KL: variants seen among roughly 807,000 people sequenced by gnomAD.
KL encodes klotho.
Under a neutral mutation model 84.2 loss-of-function variants are expected in KL, and 62 were observed. The ratio of observed to expected loss-of-function variants is 0.74; its 90% confidence interval spans 0.60 to 0.91. The LOEUF (loss-of-function observed/expected upper bound fraction) is 0.91, where lower values mean the gene tolerates loss of function less well. Ranked by LOEUF, KL falls within the 40% of genes least tolerant of loss-of-function variation. KL has a pLI of 0.00. For missense variants in KL, 1,261 were observed against 1,305.7 expected (o/e 0.97, Z 0.53); for synonymous variants, 528 against 528.0 (o/e 1.00, Z 0.00).
At chr13:33,054,749 A>G (rs2138233718) in intron 2 of KL, among the ~76,000 whole-genome samples, 1 of 152,310 alleles carries the variant, frequency 6.6e-6, no homozygotes, top group South Asian at 2.1e-4. Context: ...TCTAGGATGG[A>G]AAGTGGTACA....
rs1872383019 is a variant in KL, at chr13:33,065,589, G to A, written c.*1403G>A. On this transcript the variant is annotated 3_prime_UTR_variant, in exon 5 of 5. Coordinates refer to ENST00000380099, the MANE Select transcript of KL (RefSeq NM_004795.4). ...ACTATATAATATATCATCTTTAGAG[G>A]TATGATTTTTTCATGAAAGATAAGC... The A allele has an allele frequency of 5.5e-6, 1 of 181,786 alleles. No homozygotes were observed. The highest frequency in any genetic ancestry group is 6.3e-5 in the Admixed American group (1 of 15,920). The allele number at this position is 181,786 out of a possible 1,614,324, so 11.3% of individuals were successfully genotyped here. A position where few individuals can be genotyped will look rare whatever the true frequency, so the allele number is the denominator to read the frequency against.
At chr13:33,049,069 A>G (rs762992742) in intron 1 of KL, among the ~76,000 whole-genome samples, 1 of 152,116 alleles carries the variant, frequency 6.6e-6, no homozygotes, top group African/African-American at 2.4e-5. Context: ...CACATACGAG[A>G]GAGACTTATA....
chr13:33,055,519 T>G (rs904580640), intron 3 of KL, among the ~76,000 whole-genome samples: 2 of 152,220 alleles, frequency 1.3e-5, no homozygotes, highest in African/African-American at 4.8e-5. Flanking sequence ...TTAAGTTAGA[T>G]CCAAAGATAA....
chr13:33,018,829 TC>T (rs1870467221), intron 1 of KL, among the ~76,000 whole-genome samples: 1 of 152,092 alleles, frequency 6.6e-6, no homozygotes, highest in Non-Finnish European at 1.5e-5. Context: ...ATTTTTAGAG[TC>T]CCTAGGATAA....
At position 33,064,876 on chromosome 13, in the gene KL, A is replaced by G. The variant is rs1004528121; in HGVS notation, c.*690A>G. 3.1e-5 allele frequency: 7 copies of G among 228,558 alleles called. No individual in the cohort carries two copies. Among genetic ancestry groups the G allele is most frequent in the African/African-American group, 6.7e-5 (3 of 45,108 alleles). The allele number at this position is 228,558 out of a possible 1,614,324, so 14.2% of individuals were successfully genotyped here. A position where few individuals can be genotyped will look rare whatever the true frequency, so the allele number is the denominator to read the frequency against. On this transcript the variant is annotated 3_prime_UTR_variant, in exon 5 of 5. Transcript: ENST00000380099. ...TCCCTGAGGGATCTGTCTCACTGGC[A>G]TCTTGTTGAGGGCCTTGCACATAGG...
intron 1 of KL, among the ~76,000 whole-genome samples, chr13:33,029,937 T>G (rs1870916083): frequency 2.4e-5 from 1 of 40,886 alleles, no homozygotes; most frequent in Admixed American, 3.2e-4. Context: ...CTGGCCCTAT[T>G]TTTTTTTTTT....
chr13:33,035,430 G>A (rs1206489734), intron 1 of KL, among the ~76,000 whole-genome samples: 1 of 152,160 alleles, frequency 6.6e-6, no homozygotes, highest in East Asian at 1.9e-4. Context: ...TCTCAGTTTT[G>A]TTGATATTGG....
rs546558481 is a variant in KL at position 33,044,472 on chromosome 13, A to G, written c.820-9295A>G. On this transcript the variant is annotated intron_variant, in intron 1 of 4. Coordinates refer to ENST00000380099, the MANE Select transcript of KL (RefSeq NM_004795.4). ...AAATGGTATCTCATTCTTTATTTAC[A>G]TATTCTTTAATTTCTGTTAGCAATG... Among the ~76,000 whole-genome samples, 4 of 152,184 alleles carry G rather than the reference A, an allele frequency of 2.6e-5. No homozygotes were observed. In the South Asian group the frequency reaches 6.2e-4, roughly 24 times the overall value.
rs371131557 is a variant in KL at position 33,016,926 on chromosome 13, G to A, written c.486G>A (p.Ala162=). The A allele has an allele frequency of 4.2e-4, 678 of 1,610,324 alleles. 5 individuals carry two copies. In the South Asian group the frequency reaches 7.0e-3, roughly 17 times the overall value. The change falls in exon 1 of 5, where the codon GCG becomes GCA. Residue 162 remains alanine (A), a synonymous_variant. Coordinates refer to ENST00000380099, the MANE Select transcript of KL (RefSeq NM_004795.4). ...CGCGAGTGCTCCCCAATGGCAGCGC[G>A]GGCGTCCCCAACCGCGAGGGGCTGC... ...SWARVLPNGS[A]GVPNREGLRY...
chr13:33,017,102 A>G lies in KL; in HGVS notation c.662A>G (p.Glu221Gly). The G allele has an allele frequency of 1.9e-6, 3 of 1,605,392 alleles. No individual in the cohort carries two copies. The highest frequency in any genetic ancestry group is 2.5e-6 in the Non-Finnish European group (3 of 1,179,756). ...ALADHFRDYA[E>G]LCFRHFGGQV... The stretch of plus-strand genomic sequence containing the variant: ...GCCGACCACTTCAGGGATTACGCGG[A>G]GCTCTGCTTCCGCCACTTCGGCGGT... Residue 221 changes from glutamate (E) to glycine (G), a missense_variant, in exon 1 of 5, where the codon GAG (glutamate) becomes GGG (glycine). Physicochemically the swap from Glu to Gly is moderately conservative, Grantham distance 98. Coordinates refer to ENST00000380099, the MANE Select transcript of KL (RefSeq NM_004795.4).
chr13:33,052,956 G>T (rs1871809367), intron 1 of KL, among the ~76,000 whole-genome samples: 1 of 152,146 alleles, frequency 6.6e-6, no homozygotes, highest in Non-Finnish European at 1.5e-5. Context: ...TAAATAAAAA[G>T]GAAACAAATG....
At chr13:33,045,446 C>T (rs1357492097) in intron 1 of KL, among the ~76,000 whole-genome samples, 1 of 152,168 alleles carries the variant, frequency 6.6e-6, no homozygotes, top group Non-Finnish European at 1.5e-5. Flanking sequence ...CAGCCTTTCA[C>T]TGTAATGTTG....
chr13:33,016,578 G>A lies in KL; in HGVS notation c.138G>A (p.Ser46=). 6.7e-7 allele frequency: 1 copy of A among 1,482,472 alleles called. No homozygotes were observed. Among genetic ancestry groups the A allele is most frequent in the Non-Finnish European group, 8.9e-7 (1 of 1,118,578 alleles). 91.8% of individuals were successfully genotyped at this position (1,482,472 alleles called of 1,614,324 possible). A position where few individuals can be genotyped will look rare whatever the true frequency, so the allele number is the denominator to read the frequency against. ...GCGCGCAGACCTGGGCCCGTTTCTC[G>A]CGGCCTCCTGCCCCCGAGGCCGCGG... ...GDGAQTWARF[S]RPPAPEAAGL... is the part of the protein sequence containing the mutation. The change falls in exon 1 of 5, where the codon TCG becomes TCA. Residue 46 remains serine (S), a synonymous_variant. Coordinates refer to ENST00000380099, the MANE Select transcript of KL (RefSeq NM_004795.4).
intron 1 of KL, among the ~76,000 whole-genome samples, chr13:33,051,269 C>T (rs1871739062): frequency 6.6e-6 from 1 of 152,148 alleles, no homozygotes; most frequent in South Asian, 2.1e-4. Context: ...TGCGGTGGCT[C>T]ATGCCTGTAA....
chr13:33,041,191 T>G (rs188558964), intron 1 of KL, among the ~76,000 whole-genome samples: 1 of 152,206 alleles, frequency 6.6e-6, no homozygotes, highest in African/African-American at 2.4e-5. Flanking sequence ...AATCACTCTA[T>G]GTACTGGGAA....
At chr13:33,027,823 C>A (rs1433931355) in intron 1 of KL, among the ~76,000 whole-genome samples, 2 of 152,174 alleles carry the variant, frequency 1.3e-5, no homozygotes, top group Admixed American at 1.3e-4. Context: ...GGTTCCCCAA[C>A]CCCTCTTGTG....
At chr13:33,056,409 T>G (rs1871958515) in intron 3 of KL, among the ~76,000 whole-genome samples, 1 of 152,206 alleles carries the variant, frequency 6.6e-6, no homozygotes, top group Non-Finnish European at 1.5e-5. Context: ...GGAAATAAAT[T>G]AACACCATCC....
Position 33,061,207 on chromosome 13 carries a change from G to T in KL, c.2128G>T (p.Ala710Ser), listed in dbSNP as rs1370645926. 2 of 1,614,252 alleles carry T rather than the reference G, an allele frequency of 1.2e-6. No individual in the cohort carries two copies. The highest frequency in any genetic ancestry group is 2.2e-5 in the East Asian group (1 of 44,886). The part of the protein sequence containing the change: ...GHNLLKAHAL[A>S]WHVYNEKFRH... ...CAACCTTCTGAAGGCCCATGCCCTG[G>T]CTTGGCATGTGTACAATGAAAAGTT... Residue 710 changes from alanine (A) to serine (S), a missense_variant, in exon 4 of 5, where the codon GCT becomes TCT. Transcript: ENST00000380099.
At chr13:33,047,797 T>A (rs981367517) in intron 1 of KL, among the ~76,000 whole-genome samples, 1 of 151,628 alleles carries the variant, frequency 6.6e-6, no homozygotes, top group African/African-American at 2.4e-5. Flanking sequence ...AAAATCAGAT[T>A]TTTTGGTAAT....
Sources: gnomAD v4.1 joint callset for allele counts (sites outside exome capture counted in the v4.1 genomes callset) on GRCh38, gnomAD v4.1.1 for gene constraint, MANE v1.5 for transcripts, NCBI Gene and HGNC (gene_info 2026-07-23, HGNC 2026-07-21) for gene names.